The following ANK3 variants were observed in gnomAD, a reference collection of about 807,000 sequenced individuals.
The protein encoded by ANK3 is ankyrin 3.
ANK3 carries 57 observed loss-of-function variants against 370.9 expected under a neutral mutation model. The ratio of observed to expected loss-of-function variants is 0.15; its 90% CI spans 0.12 to 0.19. The LOEUF (loss-of-function observed/expected upper bound fraction) is 0.19, where lower values mean the gene tolerates loss of function less well. ANK3 is among the 10% of genes least tolerant of loss of function. The pLI, the probability that ANK3 is intolerant of heterozygous loss-of-function variation, is 1.00. For missense variants in ANK3, 4,439 were observed against 5,302.1 expected, an observed-to-expected ratio of 0.84 and a Z score of 5.06; for synonymous variants, 1,929 against 1,946.3, an observed-to-expected ratio of 0.99 and a Z score of 0.23.
intron 1 of ANK3, among the ~76,000 whole-genome samples, chr10:60,660,705 A>G (rs1220780334): frequency 6.6e-6 from 1 of 152,102 alleles, no homozygotes; most frequent in Non-Finnish European, 1.5e-5. Flanking sequence ...GGATTCCTGG[A>G]AGAGCTGGCA....
At chr10:60,470,254 G>C (rs758833518) in intron 2 of ANK3, among the ~76,000 whole-genome samples, 2 of 152,052 alleles carry the variant, frequency 1.3e-5, no homozygotes, top group African/African-American at 2.4e-5. Context: ...TAGTTGGATA[G>C]AAATTCGTCA....
intron 1 of ANK3, among the ~76,000 whole-genome samples, chr10:60,307,241 A>G (rs1211748073): frequency 1.3e-5 from 2 of 152,312 alleles, no homozygotes; most frequent in South Asian, 4.1e-4. Context: ...ACAAAACCTA[A>G]AATATTACTC....
intron 4 of ANK3, among the ~76,000 whole-genome samples, chr10:60,276,701 C>T (rs114210523): frequency 0.05 from 7,668 of 152,262 alleles, 659 homozygotes; most frequent in African/African-American, 0.17. Context: ...AGTTTAAAAC[C>T]ATGGCTACTC....
intron 4 of ANK3, among the ~76,000 whole-genome samples, chr10:60,273,049 C>T (rs965795898): frequency 6.6e-6 from 1 of 152,150 alleles, no homozygotes; most frequent in Non-Finnish European, 1.5e-5. Context: ...TGCTTTCTTA[C>T]AGACCGGGAG....
chr10:60,397,046 T>C lies in ANK3; in HGVS notation c.97-117407A>G, dbSNP rs897966943. On this transcript the variant is annotated intron_variant, in intron 2 of 43. Coordinates refer to the ANK3 transcript ENST00000373827. ...TTAAAGGCAAAGGTACAAAGGAGATTGTATTTGAAGATTCAGGAGACTGTT... is the reference window on the plus strand; with the variant it reads ...TTAAAGGCAAAGGTACAAAGGAGATCGTATTTGAAGATTCAGGAGACTGTT... 2.0e-5 allele frequency among the ~76,000 whole-genome samples: 3 copies of C among 152,102 alleles called. No individual in the cohort carries two copies. The East Asian group carries it at 5.8e-4, about 29-fold the overall frequency.
chr10:60,233,799 G>A (rs2097287212), intron 8 of ANK3, among the ~76,000 whole-genome samples: 1 of 152,122 alleles, frequency 6.6e-6, no homozygotes, highest in African/African-American at 2.4e-5. Flanking sequence ...CAATCCATAA[G>A]CAGACACTTC....
chr10:60,240,820 G>T (rs2097444024), intron 7 of ANK3, among the ~76,000 whole-genome samples: 1 of 152,184 alleles, frequency 6.6e-6, no homozygotes, highest in Non-Finnish European at 1.5e-5. Context: ...TTGAACTTCT[G>T]ACGTCAAGTG....
chr10:60,207,943 A>G (rs1009788121), intron 10 of ANK3, 93 bp downstream of exon 10: 2 of 1,133,798 alleles, frequency 1.8e-6, no homozygotes, highest in Non-Finnish European at 2.7e-6. Context: ...AGCACCTTCT[A>G]TTTTAACCTC....
chr10:60,652,767 G>C (rs190797038), intron 1 of ANK3, among the ~76,000 whole-genome samples: 94 of 151,080 alleles, frequency 6.2e-4, no homozygotes, highest in Non-Finnish European at 1.2e-3. Context: ...CTTTGAACCA[G>C]GAAGTAGTTA....
chr10:60,688,632 G>T (rs1190786823), intron 1 of ANK3, among the ~76,000 whole-genome samples: 3 of 152,164 alleles, frequency 2.0e-5, no homozygotes, highest in Non-Finnish European at 2.9e-5. Context: ...TAAGTCACTT[G>T]CCCAAGGCAA....
At position 60,279,094 on chromosome 10, in the gene ANK3, A is replaced by C; in HGVS notation, c.271T>G (p.Ser91Ala). 1 of 1,613,960 alleles carries C rather than the reference A, an allele frequency of 6.2e-7. No homozygotes were observed. The highest frequency in any genetic ancestry group is 8.5e-7 in the Non-Finnish European group (1 of 1,179,916). ...TTGGCTTCTCTCTGCAGCAGCTCAGAAACAACCTCTACATGGCCTTCTTTG... is the reference window on the plus strand; with the variant it reads ...TTGGCTTCTCTCTGCAGCAGCTCAGCAACAACCTCTACATGGCCTTCTTTG... ...ASKEGHVEVVSELLQREANVD... is the reference protein window; with the variant it reads ...ASKEGHVEVVAELLQREANVD... Residue 91 changes from serine to alanine, a missense_variant, in exon 3 of 44, where the codon TCT (serine) becomes GCT (alanine). Transcript: ENST00000280772.
At chr10:60,148,868 G>A (rs1305939208) in intron 23 of ANK3, among the ~76,000 whole-genome samples, 1 of 152,190 alleles carries the variant, frequency 6.6e-6, no homozygotes, top group African/African-American at 2.4e-5. Context: ...TATCATGACA[G>A]CTGATTTGTC....
chr10:60,394,848 T>A (rs1353531257), upstream of ANK3, among the ~76,000 whole-genome samples: 1 of 152,178 alleles, frequency 6.6e-6, no homozygotes, highest in African/African-American at 2.4e-5. Context: ...ATGACAGTCC[T>A]CACTCTTCTA....
At chr10:60,466,489 C>T (rs12262966) in intron 2 of ANK3, among the ~76,000 whole-genome samples, 14,037 of 152,166 alleles carry the variant, frequency 0.092, 756 homozygotes, top group South Asian at 0.18. Context: ...GAATGTGTAG[C>T]TGCTTTGGAA....
At chr10:60,057,636 G>C (rs1235295354) in intron 41 of ANK3, among the ~76,000 whole-genome samples, 1 of 152,152 alleles carries the variant, frequency 6.6e-6, no homozygotes. Context: ...TGCATATTCT[G>C]ATAACAGGAG....
In ANK3 at chr10:60,171,023, C is replaced by T. The variant is rs150803030; in HGVS notation, c.2478+1285G>A. 9.6e-3 allele frequency among the ~76,000 whole-genome samples: 1,466 copies of T among 152,106 alleles called. 20 individuals carry two copies. The highest frequency in any genetic ancestry group is 0.033 in the African/African-American group (1,367 of 41,482). ...CTTGGCTATCGTTAAATAGTTTGTT[C>T]TCTTCTCCTTTCCTATCCTAGATAG... On this transcript the variant is annotated intron_variant, in intron 21 of 43. Coordinates refer to ENST00000280772, the MANE Select transcript of ANK3 (RefSeq NM_020987.5).
At chr10:60,722,319 C>T (rs2079875559) in intron 1 of ANK3, among the ~76,000 whole-genome samples, 1 of 152,014 alleles carries the variant, frequency 6.6e-6, no homozygotes, top group African/African-American at 2.4e-5. Flanking sequence ...GGCAGCACAC[C>T]TGTAGTGCCA....
At chr10:60,684,153 A>G (rs559046062) in intron 1 of ANK3, among the ~76,000 whole-genome samples, 1 of 152,350 alleles carries the variant, frequency 6.6e-6, no homozygotes, top group African/African-American at 2.4e-5. Context: ...AACATGAATA[A>G]TAATTATCTT....
intron 2 of ANK3, among the ~76,000 whole-genome samples, chr10:60,606,755 G>A (rs1287469167): frequency 6.6e-6 from 1 of 152,116 alleles, no homozygotes. Flanking sequence ...CCGAGAAGTG[G>A]TTCCTTCTAT....
Sources: gnomAD v4.1 joint callset for allele counts (sites outside exome capture counted in the v4.1 genomes callset) on GRCh38, gnomAD v4.1.1 for gene constraint, MANE v1.5 for transcripts, NCBI Gene and HGNC (gene_info 2026-07-23, HGNC 2026-07-21) for gene names.